ADCY2: variants seen among roughly 807,000 people sequenced by gnomAD.
ADCY2 encodes the protein adenylate cyclase type 2.
A neutral mutation model predicts 125.2 loss-of-function variants in ADCY2; 31 were observed. The ratio of observed to expected loss-of-function variants is 0.25; its 90% CI spans 0.19 to 0.33. The LOEUF (loss-of-function observed/expected upper bound fraction) is 0.33, where lower values mean the gene tolerates loss of function less well. Among genes scored for constraint, ADCY2 ranks in the 10% least tolerant of loss-of-function variants. The pLI, the probability that ADCY2 is intolerant of heterozygous loss-of-function variation, is 1.00. For missense variants in ADCY2, 904 were observed against 1,418.2 expected (o/e 0.64, Z 5.82); for synonymous variants, 512 against 548.4 (o/e 0.93, Z 0.93).
intron 3 of ADCY2, among the ~76,000 whole-genome samples, chr5:7,615,482 A>C (rs1737724052): frequency 6.6e-6 from 1 of 152,246 alleles, no homozygotes; most frequent in Non-Finnish European, 1.5e-5. Context: ...AGAAGAAGAA[A>C]AATGAGCACA....
intron 3 of ADCY2, among the ~76,000 whole-genome samples, chr5:7,607,815 A>G (rs1254056125): frequency 6.6e-6 from 1 of 152,238 alleles, no homozygotes; most frequent in Non-Finnish European, 1.5e-5. Flanking sequence ...AATGAGAAAG[A>G]TACATAAACT....
chr5:7,514,406 A>G (rs1744182325), intron 2 of ADCY2, among the ~76,000 whole-genome samples: 1 of 152,232 alleles, frequency 6.6e-6, no homozygotes, highest in African/African-American at 2.4e-5. Context: ...GGATTTATAA[A>G]TTGTAAGTAA....
intron 11 of ADCY2, 142 bp from the exon 12 acceptor site, chr5:7,717,015 C>A: frequency 1.7e-6 from 1 of 571,940 alleles, no homozygotes; most frequent in South Asian, 2.6e-5. Flanking sequence ...CCTAAATACC[C>A]CGATTGATCA....
intron 2 of ADCY2, among the ~76,000 whole-genome samples, chr5:7,418,878 C>A (rs1740074264): frequency 6.6e-6 from 1 of 152,064 alleles, no homozygotes; most frequent in Admixed American, 6.5e-5. Context: ...TGGCCTTGAA[C>A]TTCTGACCTC....
chr5:7,815,643 G>A (rs145634984), intron 22 of ADCY2, among the ~76,000 whole-genome samples: 1 of 152,148 alleles, frequency 6.6e-6, no homozygotes, highest in Non-Finnish European at 1.5e-5. Context: ...ATATAAACAG[G>A]TAACAGGAAT....
intron 14 of ADCY2, among the ~76,000 whole-genome samples, chr5:7,738,336 A>T (rs1323452128): frequency 6.6e-6 from 1 of 152,124 alleles, no homozygotes. Flanking sequence ...ATCACTAAAA[A>T]TAAAATAAGG....
chr5:7,645,190 C>T (rs147475819), intron 4 of ADCY2, among the ~76,000 whole-genome samples: 2 of 152,278 alleles, frequency 1.3e-5, no homozygotes, highest in African/African-American at 4.8e-5. Context: ...TTTATAGTCA[C>T]TCAAGGTGCA....
rs575415912 is a variant in ADCY2 at position 7,412,716 on chromosome 5, C to T, written c.211-1857C>T. On this transcript the variant is annotated intron_variant, in intron 1 of 24. Transcript: ENST00000338316. ...GGCCACGGCAACAACTAGCCCCATT[C>T]GGTTGAGTTCACTGTCTGCTGCAGG... Among the ~76,000 whole-genome samples, 4 of 152,340 alleles carry T rather than the reference C, an allele frequency of 2.6e-5. No homozygotes were observed. In the South Asian group the frequency reaches 8.3e-4, roughly 32 times the overall value.
At chr5:7,443,557 G>A (rs941202891) in intron 2 of ADCY2, among the ~76,000 whole-genome samples, 8 of 148,086 alleles carry the variant, frequency 5.4e-5, no homozygotes, top group African/African-American at 1.5e-4. Flanking sequence ...GGAGAATGGC[G>A]TGAACCCAGG....
intron 16 of ADCY2, among the ~76,000 whole-genome samples, chr5:7,762,123 G>T (rs1469361975): frequency 6.6e-6 from 1 of 152,166 alleles, no homozygotes; most frequent in East Asian, 1.9e-4. Flanking sequence ...GATTAAGGGG[G>T]AGAAGAAATC....
At chr5:7,672,108 G>A (rs1739957093) in intron 4 of ADCY2, among the ~76,000 whole-genome samples, 1 of 152,148 alleles carries the variant, frequency 6.6e-6, no homozygotes, top group African/African-American at 2.4e-5. Context: ...AGGAGGTGGT[G>A]GGGTGGGATT....
intron 14 of ADCY2, among the ~76,000 whole-genome samples, 189 bp from the exon 15 acceptor site, chr5:7,743,479 T>C (rs1051218962): frequency 6.6e-6 from 1 of 152,216 alleles, no homozygotes. Flanking sequence ...TAATTGGCCA[T>C]CGCTGTGTGG....
chr5:7,545,679 G>C lies in ADCY2; in HGVS notation c.570+24780G>C, dbSNP rs576621749. Reference sequence around the variant, plus strand: ...GGAGAAGCTGGCCTGTCCTTCAGAGGGGCAGTTAGTTCTTTCTGAAGGTCA... The same window carrying C: ...GGAGAAGCTGGCCTGTCCTTCAGAGCGGCAGTTAGTTCTTTCTGAAGGTCA... On this transcript the variant is annotated intron_variant, in intron 3 of 24. Transcript: ENST00000338316. Among the ~76,000 whole-genome samples the C allele has an allele frequency of 3.3e-5, 5 of 152,278 alleles. 1 individual carries two copies. The highest frequency in any genetic ancestry group is 1.2e-4 in the African/African-American group (5 of 41,546).
At chr5:7,711,928 C>T (rs2126364682) in intron 10 of ADCY2, among the ~76,000 whole-genome samples, 1 of 152,332 alleles carries the variant, frequency 6.6e-6, no homozygotes, top group South Asian at 2.1e-4. Flanking sequence ...AGAAAGACCT[C>T]ACTGGAGTTT....
intron 4 of ADCY2, among the ~76,000 whole-genome samples, chr5:7,682,729 G>A (rs1740381376): frequency 6.6e-6 from 1 of 152,196 alleles, no homozygotes; most frequent in Non-Finnish European, 1.5e-5. Flanking sequence ...GCCTCCCTGA[G>A]TTTAGGATGG....
chr5:7,612,466 A>G (rs1737599089), intron 3 of ADCY2, among the ~76,000 whole-genome samples: 1 of 152,196 alleles, frequency 6.6e-6, no homozygotes, highest in Non-Finnish European at 1.5e-5. Context: ...GGGAAGGAGG[A>G]AGCTGAGCAA....
At chr5:7,526,510 G>A (rs1734466888) in intron 3 of ADCY2, among the ~76,000 whole-genome samples, 1 of 152,142 alleles carries the variant, frequency 6.6e-6, no homozygotes, top group Admixed American at 6.5e-5. Flanking sequence ...GGTTGGAGGT[G>A]AGGGCTACCT....
intron 2 of ADCY2, among the ~76,000 whole-genome samples, chr5:7,434,504 A>G (rs6555465): frequency 0.81 from 123,879 of 152,176 alleles, 50,963 homozygotes; most frequent in African/African-American, 0.88. Context: ...GGGATTCAGA[A>G]GCTGGATATG....
intron 2 of ADCY2, among the ~76,000 whole-genome samples, chr5:7,465,855 G>C (rs1003742472): frequency 6.6e-6 from 1 of 152,132 alleles, no homozygotes. Context: ...ATTGAAGAGG[G>C]GGTGTTACAT....
Sources: gnomAD v4.1 joint callset for allele counts (sites outside exome capture counted in the v4.1 genomes callset) on GRCh38, gnomAD v4.1.1 for gene constraint, MANE v1.5 for transcripts, NCBI Gene and HGNC (gene_info 2026-07-23, HGNC 2026-07-21) for gene names.